CHCHD6: variants seen among roughly 807,000 people sequenced by gnomAD.
CHCHD6 encodes coiled-coil-helix-coiled-coil-helix domain containing 6.
A neutral mutation model predicts 32.3 loss-of-function variants in CHCHD6; 28 were observed. That is an observed-to-expected ratio of 0.87 (90% CI 0.64 to 1.19). CHCHD6 has a LOEUF of 1.19. CHCHD6 is among the 50% of genes most tolerant of loss of function. The probability of loss-of-function intolerance (pLI) is 0.00; values close to 1 mark genes in which losing one functional copy is unlikely to be tolerated. For synonymous variants in CHCHD6, 122 were observed against 117.5 expected (o/e 1.04, Z -0.25); for missense variants, 333 against 307.0 (o/e 1.08, Z -0.63).
intron 4 of CHCHD6, among the ~76,000 whole-genome samples, chr3:126,842,782 T>C (rs949291542): frequency 1.3e-5 from 2 of 152,006 alleles, no homozygotes; most frequent in African/African-American, 4.8e-5. Context: ...CAACTCATTT[T>C]AACTGTCCTT....
At chr3:126,845,029 A>G (rs1301137405) in intron 4 of CHCHD6, among the ~76,000 whole-genome samples, 1 of 152,120 alleles carries the variant, frequency 6.6e-6, no homozygotes, top group Non-Finnish European at 1.5e-5. Flanking sequence ...GTCAAATAAG[A>G]CCTGTTTGAG....
At chr3:126,757,081 G>A (rs763155316) in intron 4 of CHCHD6, among the ~76,000 whole-genome samples, 3 of 152,128 alleles carry the variant, frequency 2.0e-5, no homozygotes. Context: ...TGATAAAATC[G>A]CAGGTTGTGT....
intron 6 of CHCHD6, among the ~76,000 whole-genome samples, chr3:126,939,786 G>A (rs1388802114): frequency 6.6e-6 from 1 of 152,186 alleles, no homozygotes; most frequent in African/African-American, 2.4e-5. Context: ...GAATCTCAGA[G>A]ATAAGGGCAT....
At chr3:126,825,791 A>G (rs941306393) in intron 4 of CHCHD6, among the ~76,000 whole-genome samples, 3 of 152,196 alleles carry the variant, frequency 2.0e-5, no homozygotes, top group Non-Finnish European at 4.4e-5. Flanking sequence ...TTAAAGGTGT[A>G]TCTCTTGCAG....
rs1021459292 is a variant in CHCHD6, at chr3:126,858,757, C to T, written c.495+6027C>T. On this transcript the variant is annotated intron_variant, in intron 5 of 7. Transcript: ENST00000290913. ...GCTGGGCTCTTGCCTCCTCTGAGTT[C>T]TATAATTCTGAGTACCTCCTCTTCT... Among the ~76,000 whole-genome samples, 6 of 152,198 alleles carry T rather than the reference C, an allele frequency of 3.9e-5. 1 individual carries two copies. The highest frequency in any genetic ancestry group is 7.3e-5 in the Non-Finnish European group (5 of 68,042).
At chr3:126,810,743 G>A (rs1939620511) in intron 4 of CHCHD6, among the ~76,000 whole-genome samples, 1 of 152,192 alleles carries the variant, frequency 6.6e-6, no homozygotes, top group Admixed American at 6.5e-5. Flanking sequence ...CAACTGTTTT[G>A]TAAGTTTAAA....
At chr3:126,760,005 G>T (rs868569634) in intron 4 of CHCHD6, among the ~76,000 whole-genome samples, 1 of 152,112 alleles carries the variant, frequency 6.6e-6, no homozygotes, top group South Asian at 2.1e-4. Context: ...GCAAGGACTG[G>T]GGAGGTGCCA....
intron 1 of CHCHD6, among the ~76,000 whole-genome samples, chr3:126,712,575 C>A (rs375333364): frequency 6.6e-6 from 1 of 152,288 alleles, no homozygotes; most frequent in Non-Finnish European, 1.5e-5. Flanking sequence ...TCCTCCCAGG[C>A]TTCAAGTGCT....
intron 6 of CHCHD6, among the ~76,000 whole-genome samples, chr3:126,935,569 A>G (rs1486384660): frequency 6.6e-6 from 1 of 152,250 alleles, no homozygotes; most frequent in Non-Finnish European, 1.5e-5. Flanking sequence ...TTTTGTTACT[A>G]TGCAGATTCC....
chr3:126,764,091 A>G (rs1206792851), intron 4 of CHCHD6, among the ~76,000 whole-genome samples: 1 of 151,092 alleles, frequency 6.6e-6, no homozygotes, highest in Non-Finnish European at 1.5e-5. Flanking sequence ...AATAATATAG[A>G]TTTATAATTT....
chr3:126,792,518 A>T (rs1275678695), intron 4 of CHCHD6, among the ~76,000 whole-genome samples: 1 of 151,918 alleles, frequency 6.6e-6, no homozygotes, highest in Non-Finnish European at 1.5e-5. Flanking sequence ...TCTTTGACCC[A>T]TGGTTTGTTT....
chr3:126,905,807 G>A (rs2077996772), intron 5 of CHCHD6, among the ~76,000 whole-genome samples: 2 of 152,164 alleles, frequency 1.3e-5, no homozygotes, highest in Admixed American at 6.5e-5. Flanking sequence ...CCTAAGATAG[G>A]GACCCATGGG....
intron 6 of CHCHD6, among the ~76,000 whole-genome samples, chr3:126,951,640 T>G (rs1559940324): frequency 6.6e-6 from 1 of 152,210 alleles, no homozygotes. Context: ...GTATTCTGCC[T>G]GAGGAGAAGT....
intron 6 of CHCHD6, among the ~76,000 whole-genome samples, chr3:126,942,928 C>T (rs922078116): frequency 6.6e-6 from 1 of 152,152 alleles, no homozygotes; most frequent in African/African-American, 2.4e-5. Flanking sequence ...GGGAGTATTT[C>T]ACAAGTCCAT....
chr3:126,742,503 CAT>C (rs780621228), intron 4 of CHCHD6, among the ~76,000 whole-genome samples: 4 of 152,184 alleles, frequency 2.6e-5, no homozygotes, highest in Non-Finnish European at 4.4e-5. Context: ...CTTCAAAACT[CAT>C]GTGGAAATTT....
At chr3:126,828,747 G>A (rs1354268622) in intron 4 of CHCHD6, among the ~76,000 whole-genome samples, 1 of 152,186 alleles carries the variant, frequency 6.6e-6, no homozygotes, top group Non-Finnish European at 1.5e-5. Context: ...GGGTCTACCT[G>A]CCTTTCAGGA....
intron 5 of CHCHD6, among the ~76,000 whole-genome samples, chr3:126,865,955 G>A (rs182724197): frequency 2.5e-4 from 38 of 152,278 alleles, no homozygotes; most frequent in Middle Eastern, 3.4e-3. Flanking sequence ...CTGCACACCT[G>A]CGCTTTGCTA....
At chr3:126,821,130 CATCCATATTGTAGCATGT>C (rs1374074468) in intron 4 of CHCHD6, among the ~76,000 whole-genome samples, 3 of 152,184 alleles carry the variant, frequency 2.0e-5, no homozygotes, top group Admixed American at 2.0e-4. Context: ...TCTCAAGGTT[CATCCATATTGTAGCATGT>C]ATCAGTGCTT....
At chr3:126,785,789 C>A (rs1576413112) in intron 4 of CHCHD6, among the ~76,000 whole-genome samples, 1 of 152,134 alleles carries the variant, frequency 6.6e-6, no homozygotes, top group Middle Eastern at 3.4e-3. Context: ...TCCCCCCAGC[C>A]CCTGGTAATT....
Sources: allele counts gnomAD v4.1 joint callset (sites outside exome capture counted in the v4.1 genomes callset), GRCh38; gene constraint gnomAD v4.1.1; transcripts MANE v1.5; gene names NCBI Gene and HGNC (gene_info 2026-07-23, HGNC 2026-07-21).